The following TMEM156 variants were observed in gnomAD, a reference collection of about 807,000 sequenced individuals.
TMEM156 encodes transmembrane protein 156.
In TMEM156, 28 loss-of-function variants were observed where a neutral mutation model predicts 30.5. That is an observed-to-expected ratio of 0.92 (90% confidence interval 0.68 to 1.26). The LOEUF (loss-of-function observed/expected upper bound fraction) is 1.26, where lower values mean the gene tolerates loss of function less well. Among genes scored for constraint, TMEM156 ranks in the 50% most tolerant of loss-of-function variants. The pLI is 0.00. For synonymous variants in TMEM156, 137 were observed against 119.9 expected, an observed-to-expected ratio of 1.14 and a Z score of -0.93; for missense variants, 351 against 340.6, an observed-to-expected ratio of 1.03 and a Z score of -0.24.
At chr4:38,972,242 ATTTTTTTTTTTTTTTT>A (rs144479056) in intron 5 of TMEM156, among the ~76,000 whole-genome samples, 1 of 75,816 alleles carries the variant, frequency 1.3e-5, no homozygotes, top group Non-Finnish European at 2.3e-5. Context: ...TTCTCTGGGA[ATTTTTTTTTTTTTTTT>A]TTTTTTTTTT....
chr4:39,028,114 C>T (rs1715320162), intron 1 of TMEM156, among the ~76,000 whole-genome samples: 1 of 152,130 alleles, frequency 6.6e-6, no homozygotes, highest in African/African-American at 2.4e-5. Context: ...TCTCAAACTC[C>T]TGACCTCAGG....
At chr4:39,009,560 G>T (rs1446148945) in intron 1 of TMEM156, among the ~76,000 whole-genome samples, 8 of 152,030 alleles carry the variant, frequency 5.3e-5, no homozygotes, top group Admixed American at 2.0e-4. Context: ...CAATCAAGTG[G>T]GCTTTATTCC....
chr4:38,971,961 G>A (rs2109857518), intron 5 of TMEM156, among the ~76,000 whole-genome samples: 1 of 151,898 alleles, frequency 6.6e-6, no homozygotes, highest in South Asian at 2.1e-4. Flanking sequence ...GGCTAATTTT[G>A]TATTTTTACT....
At chr4:39,000,834 C>T (rs1259627030) in intron 1 of TMEM156, among the ~76,000 whole-genome samples, 2 of 152,014 alleles carry the variant, frequency 1.3e-5, no homozygotes, top group East Asian at 3.9e-4. Context: ...TTGCAGTGAG[C>T]CAAGATCGCA....
intron 1 of TMEM156, among the ~76,000 whole-genome samples, chr4:38,999,115 T>TA (rs1560372080): frequency 1.4e-4 from 10 of 72,136 alleles, no homozygotes; most frequent in Non-Finnish European, 1.9e-4. Flanking sequence ...TATTTATTTT[T>TA]TTTTTTTTTT....
intron 2 of TMEM156, among the ~76,000 whole-genome samples, chr4:38,998,092 A>G (rs1309846449): frequency 3.3e-5 from 5 of 152,196 alleles, no homozygotes; most frequent in Non-Finnish European, 5.9e-5. Context: ...TCCTCTACCC[A>G]TCATGTGTAT....
intron 2 of TMEM156, 39 bp from the exon 3 acceptor site, chr4:38,994,037 A>G: frequency 6.4e-7 from 1 of 1,550,560 alleles, no homozygotes; most frequent in Non-Finnish European, 8.8e-7. Flanking sequence ...GCAAAATATT[A>G]ATACATAGCA....
chr4:39,011,338 G>A (rs1418047019), intron 1 of TMEM156, among the ~76,000 whole-genome samples: 1 of 152,202 alleles, frequency 6.6e-6, no homozygotes, highest in African/African-American at 2.4e-5. Context: ...AAGCAGTTTG[G>A]AGATTTCTGA....
chr4:39,029,596 C>T (rs1715401859), intron 1 of TMEM156, among the ~76,000 whole-genome samples: 1 of 59,190 alleles, frequency 1.7e-5, no homozygotes, highest in East Asian at 5.2e-4. Context: ...CGCCTGTAGT[C>T]CCAGCTACTC....
intron 5 of TMEM156, among the ~76,000 whole-genome samples, chr4:38,975,866 G>T (rs1722826305): frequency 6.6e-6 from 1 of 151,964 alleles, no homozygotes; most frequent in African/African-American, 2.4e-5. Flanking sequence ...GATTTTACAG[G>T]TATGACTAAT....
intron 5 of TMEM156, among the ~76,000 whole-genome samples, chr4:38,980,692 A>G (rs963735389): frequency 2.6e-5 from 4 of 152,234 alleles, no homozygotes; most frequent in Non-Finnish European, 4.4e-5. Flanking sequence ...GAATCGACCT[A>G]GTCCAGGAGG....
chr4:39,015,143 C>T (rs896502906), intron 1 of TMEM156, among the ~76,000 whole-genome samples: 1 of 152,088 alleles, frequency 6.6e-6, no homozygotes, highest in African/African-American at 2.4e-5. Context: ...TAGTTATATC[C>T]CTTTTTAATT....
intron 5 of TMEM156, among the ~76,000 whole-genome samples, chr4:38,984,347 C>CTGTGTGTGTGTGTGTG (rs1211976306): frequency 6.1e-5 from 8 of 130,550 alleles, no homozygotes; most frequent in African/African-American, 2.6e-4. Context: ...CTCTCTCTCT[C>CTGTGTGTGTGTGTGTG]TCTGTGTGTG....
intron 2 of TMEM156, among the ~76,000 whole-genome samples, chr4:38,996,444 C>T (rs559494401): frequency 7.9e-5 from 12 of 151,562 alleles, no homozygotes; most frequent in Non-Finnish European, 1.5e-4. Context: ...TGGTAGCAGG[C>T]GTCTGTAATC....
intron 3 of TMEM156, among the ~76,000 whole-genome samples, chr4:38,992,747 A>ATT (rs374830517): frequency 2.0e-5 from 1 of 50,604 alleles, no homozygotes; most frequent in Non-Finnish European, 4.1e-5. Flanking sequence ...TATATAATAT[A>ATT]TTATATATAT....
intron 1 of TMEM156, among the ~76,000 whole-genome samples, chr4:39,012,698 G>A (rs994002126): frequency 3.3e-5 from 5 of 152,004 alleles, no homozygotes; most frequent in African/African-American, 1.2e-4. Flanking sequence ...CCCAGCACTT[G>A]GGAGGCTGAG....
intron 1 of TMEM156, among the ~76,000 whole-genome samples, chr4:39,018,783 G>C (rs1714668058): frequency 1.3e-5 from 2 of 152,144 alleles, no homozygotes; most frequent in Admixed American, 1.3e-4. Context: ...CACTTTGGGA[G>C]GCCAAGGTGG....
At chr4:38,977,564 A>G (rs964459752) in intron 5 of TMEM156, among the ~76,000 whole-genome samples, 4 of 152,168 alleles carry the variant, frequency 2.6e-5, no homozygotes, top group African/African-American at 4.8e-5. Flanking sequence ...ACGGGTGGAA[A>G]TTTTTTCTGG....
intron 1 of TMEM156, among the ~76,000 whole-genome samples, chr4:39,016,045 T>G (rs1450730551): frequency 6.6e-6 from 1 of 152,156 alleles, no homozygotes; most frequent in Non-Finnish European, 1.5e-5. Flanking sequence ...AACATATGAA[T>G]CTTTCCAGTG....
Sources: allele counts gnomAD v4.1 joint callset (sites outside exome capture counted in the v4.1 genomes callset), GRCh38; gene constraint gnomAD v4.1.1; transcripts MANE v1.5; gene names NCBI Gene and HGNC (gene_info 2026-07-23, HGNC 2026-07-21).